Variants in MYO1C observed in about 807,000 individuals in gnomAD.
MYO1C encodes unconventional myosin-Ic.
Under a neutral mutation model 150.8 loss-of-function variants are expected in MYO1C, and 104 were observed. That is an observed-to-expected ratio of 0.69 (90% CI 0.59 to 0.81). The LOEUF is 0.81. MYO1C is among the 30% of genes least tolerant of loss of function. The pLI is 0.00. For synonymous variants in MYO1C, 663 were observed against 579.9 expected (o/e 1.14, Z -2.06); for missense variants, 1,504 against 1,435.0 (o/e 1.05, Z -0.78).
At chr17:1,488,999 G>A (rs367929976) in intron 1 of MYO1C, among the ~76,000 whole-genome samples, 3 of 152,322 alleles carry the variant, frequency 2.0e-5, no homozygotes, top group African/African-American at 4.8e-5. Context: ...CCCAGCCTAA[G>A]GGCACACAGA....
chr17:1,467,862 T>A lies in MYO1C; in HGVS notation c.2945A>T (p.Gln982Leu), dbSNP rs2074211429. Reference protein sequence around the residue: ...LSDSLFVLHVQRADNKQKGDV... With the variant: ...LSDSLFVLHVLRADNKQKGDV... The stretch of plus-strand genomic sequence containing the variant: ...CACCTTTTGCTTATTGTCCGCACGC[T>A]GTACATGAAGCACAAAAAGACTGTC... The change falls in exon 29 of 32, where the codon CAG becomes CTG. Residue 982 changes from glutamine (Q) to leucine (L), a missense_variant. Transcript: ENST00000648651. The A allele has an allele frequency of 6.3e-7, 1 of 1,597,934 alleles. No homozygotes were observed. The highest frequency in any genetic ancestry group is 8.5e-7 in the Non-Finnish European group (1 of 1,172,086).
At chr17:1,485,446 G>A (rs1032700545) in intron 1 of MYO1C, 2 of 762,394 alleles carry the variant, frequency 2.6e-6, no homozygotes, top group Non-Finnish European at 3.3e-6. Flanking sequence ...CGCGGTCCCC[G>A]CCCCCTCGCC....
rs1326481335 is a variant in MYO1C at position 1,482,577 on chromosome 17, A to G, written c.547-19T>C. On this transcript the variant is annotated intron_variant, in intron 4 of 31. Transcript: ENST00000648651. ...CAAAGGCCTAGGAGTGGACAGGGGT[A>G]TGAGGGACACCTGGCACTCTCCCCC... 1.2e-6 allele frequency: 2 copies of G among 1,603,912 alleles called. No individual in the cohort carries two copies. Among genetic ancestry groups the G allele is most frequent in the Admixed American group, 3.3e-5 (2 of 59,746 alleles).
intron 1 of MYO1C, chr17:1,491,645 G>T (rs1208911921): frequency 2.0e-6 from 2 of 980,776 alleles, no homozygotes; most frequent in South Asian, 4.7e-5. Context: ...GGGCGGCGTG[G>T]CGGGCTTGGG....
rs34837599 is a variant in MYO1C, at chr17:1,472,068, GC to G, written c.1904-45del. On this transcript the variant is annotated intron_variant, in intron 18 of 31. Coordinates refer to ENST00000648651, the MANE Select transcript of MYO1C (RefSeq NM_001080779.2). ...CGTGGTCAGCGGGCTGGCGCTGACG[GC>G]CTGTCTCCTGCAGGGGAGGCCCGGC... 0.14 allele frequency: 226,534 copies of G among 1,612,670 alleles called. 16,686 individuals carry two copies. The highest frequency in any genetic ancestry group is 0.21 in the African/African-American group (15,658 of 74,996).
At chr17:1,469,669 A>T in intron 24 of MYO1C, 55 bp from the exon 25 acceptor site, 1 of 1,402,354 alleles carries the variant, frequency 7.1e-7, no homozygotes, top group Non-Finnish European at 1.0e-6. Flanking sequence ...TTCCCTCTGA[A>T]GACATCGAAC....
rs2074625618 is a variant in MYO1C at position 1,485,156 on chromosome 17, AG to A, written c.76-854del. 79 of 1,197,224 alleles carry A rather than the reference AG, an allele frequency of 6.6e-5. No individual in the cohort carries two copies. In the South Asian group the frequency reaches 1.1e-3, roughly 17 times the overall value. The allele number at this position is 1,197,224 out of a possible 1,614,324, so 74.2% of individuals were successfully genotyped here. A position where few individuals can be genotyped will look rare whatever the true frequency, so the allele number is the denominator to read the frequency against. On this transcript the variant is annotated intron_variant, in intron 1 of 31. Coordinates refer to ENST00000648651, the MANE Select transcript of MYO1C (RefSeq NM_001080779.2). The stretch of plus-strand genomic sequence containing the variant: ...CCCAGCTGCCTCTGGGTCCTACTGG[AG>A]GGTGGAGGGTGGTGCAGGCTGAGCA...
intron 7 of MYO1C, among the ~76,000 whole-genome samples, chr17:1,480,139 C>T (rs1242201101): frequency 1.1e-5 from 1 of 91,780 alleles, no homozygotes; most frequent in Non-Finnish European, 2.0e-5. Context: ...AGCGAGACTC[C>T]ATCTCAAAAA....
intron 5 of MYO1C, among the ~76,000 whole-genome samples, chr17:1,481,931 C>T (rs143184151): frequency 2.8e-4 from 42 of 152,252 alleles, no homozygotes; most frequent in Middle Eastern, 3.4e-3. Context: ...CTGTGGCCTC[C>T]GTGCTGTCCT....
Position 1,464,766 on chromosome 17 carries a change from A to G in MYO1C, c.*960T>C, listed in dbSNP as rs1389056855. On this transcript the variant is annotated 3_prime_UTR_variant, in exon 32 of 32. Transcript: ENST00000648651. Reference sequence around the variant, plus strand: ...TCTATGGTCTAAGACGGCCTTCCCCACTCCAGCACTGCCTCAAACTGGGAT... The same window carrying G: ...TCTATGGTCTAAGACGGCCTTCCCCGCTCCAGCACTGCCTCAAACTGGGAT... 3 of 149,572 alleles carry G rather than the reference A, an allele frequency of 2.0e-5. No individual in the cohort carries two copies. In the East Asian group the frequency reaches 5.9e-4, roughly 30 times the overall value. The allele number at this position is 149,572 out of a possible 1,614,324, so 9.3% of individuals were successfully genotyped here. A position where few individuals can be genotyped will look rare whatever the true frequency, so the allele number is the denominator to read the frequency against.
At chr17:1,477,039 A>G (rs907673514) in intron 14 of MYO1C, among the ~76,000 whole-genome samples, 3 of 151,722 alleles carry the variant, frequency 2.0e-5, no homozygotes, top group African/African-American at 7.3e-5. Context: ...GGGTTTCACC[A>G]TGTTGCCCAG....
intron 21 of MYO1C, 82 bp from the exon 22 acceptor site, chr17:1,470,771 C>T (rs1172248113): frequency 7.1e-7 from 1 of 1,411,376 alleles, no homozygotes; most frequent in South Asian, 1.2e-5. Context: ...CCACGAGTGG[C>T]ATGAATGGGA....
chr17:1,490,201 A>G (rs1567538876), intron 1 of MYO1C, among the ~76,000 whole-genome samples: 1 of 151,884 alleles, frequency 6.6e-6, no homozygotes, highest in African/African-American at 2.4e-5. Flanking sequence ...ACGACCTGCT[A>G]AAACCTCACC....
At chr17:1,477,466 G>A (rs370783974) in intron 14 of MYO1C, 39 bp downstream of exon 14, 40 of 1,581,750 alleles carry the variant, frequency 2.5e-5, no homozygotes, top group Non-Finnish European at 3.5e-5. Flanking sequence ...TCTGCTGCAA[G>A]TGAGCCCTTG....
chr17:1,476,010 C>T (rs1431165587), intron 14 of MYO1C, among the ~76,000 whole-genome samples: 1 of 152,216 alleles, frequency 6.6e-6, no homozygotes, highest in Admixed American at 6.5e-5. Flanking sequence ...ACACAGTTAA[C>T]AGCCATGGCC....
chr17:1,470,477 C>T lies in MYO1C; in HGVS notation c.2324G>A (p.Arg775Lys), dbSNP rs1485944142. 2.0e-5 allele frequency: 31 copies of T among 1,551,010 alleles called. No individual in the cohort carries two copies. Among genetic ancestry groups the T allele is most frequent in the Non-Finnish European group, 2.6e-5 (30 of 1,147,210 alleles). Residue 775 changes from arginine (R) to lysine (K), a missense_variant, in exon 23 of 32, where the codon AGG (arginine) becomes AAG (lysine). Arg to Lys is a conservative substitution (Grantham distance 26). Transcript: ENST00000648651. ...QSWWRGTLGRRKAAKRKWAAQ... is the reference protein window; with the variant it reads ...QSWWRGTLGRKKAAKRKWAAQ... ...CGCCCACTTCCTCTTGGCTGCCTTC[C>T]TCCGGCCCAGTGTTCCACGCCACCA...
In MYO1C at chr17:1,479,558, C is replaced by CCG; in HGVS notation, c.1020+33_1020+34insCG. 4.1e-6 allele frequency: 6 copies of CCG among 1,475,402 alleles called. No individual in the cohort carries two copies. The highest frequency in any genetic ancestry group is 5.6e-6 in the Non-Finnish European group (6 of 1,068,008). 91.4% of individuals were successfully genotyped at this position (1,475,402 alleles called of 1,614,324 possible). On this transcript the variant is annotated intron_variant, in intron 8 of 31. Transcript: ENST00000648651. This position sits in a 1 kb window ranked among gnomAD's most constrained non-coding sequence, Gnocchi z 4.2. ...GTGCACCCCCAGCCCCCGCCCCCGCCGTCCTCCCGTCGCCCTCTGCCCGCC... is the reference window on the plus strand; with the variant it reads ...GTGCACCCCCAGCCCCCGCCCCCGCCCGGTCCTCCCGTCGCCCTCTGCCCGCC...
In MYO1C at chr17:1,480,591, T is replaced by C; in HGVS notation, c.842A>G (p.Lys281Arg). Reference protein sequence around the residue: ...QCAKVSSINDKSDWKVVRKAL... With the variant: ...QCAKVSSINDRSDWKVVRKAL... ...CTTCCTGACGACCTTCCAGTCACTC[T>C]TGTCGTTGATGGAGGAGACTTTGGC... The change falls in exon 7 of 32, where the codon AAG (lysine) becomes AGG (arginine). Residue 281 changes from lysine to arginine, a missense_variant. Physicochemically the swap from Lys to Arg is conservative, Grantham distance 26 (BLOSUM62 2). Transcript: ENST00000648651. 6.2e-7 allele frequency: 1 copy of C among 1,614,210 alleles called. No homozygotes were observed.
rs1321424330 is a variant in MYO1C at position 1,468,510 on chromosome 17, G to T, written c.2611-14C>A. The T allele has an allele frequency of 6.2e-7, 1 of 1,607,918 alleles. No individual in the cohort carries two copies. Among genetic ancestry groups the T allele is most frequent in the Non-Finnish European group, 8.5e-7 (1 of 1,174,786 alleles). ...CTTCTGCTGCAGCTGAGGAGACAAG[G>T]GGGGTGAGGAGAGTGTCATGGTGGG... On this transcript the variant is annotated splice_polypyrimidine_tract_variant and intron_variant, in intron 25 of 31. Transcript: ENST00000648651.
Sources: allele counts gnomAD v4.1 joint callset (sites outside exome capture counted in the v4.1 genomes callset), GRCh38; gene constraint gnomAD v4.1.1; non-coding constraint Gnocchi (gnomAD v3.1); transcripts MANE v1.5; gene names NCBI Gene and HGNC (gene_info 2026-07-23, HGNC 2026-07-21).